Variants in EPHA7 observed in about 807,000 individuals in gnomAD.
EPHA7 encodes ephrin type-A receptor 7.
A neutral mutation model predicts 112.6 loss-of-function variants in EPHA7; 25 were observed. The ratio of observed to expected loss-of-function variants is 0.22; its 90% CI spans 0.16 to 0.31. EPHA7 has a LOEUF of 0.31. Ranked by LOEUF, EPHA7 falls within the 10% of genes least tolerant of loss-of-function variation. The pLI, the probability that EPHA7 is intolerant of heterozygous loss-of-function variation, is 1.00. For missense variants in EPHA7, 962 were observed against 1,212.6 expected (o/e 0.79, Z 3.07); for synonymous variants, 437 against 406.5 (o/e 1.07, Z -0.90).
intron 5 of EPHA7, among the ~76,000 whole-genome samples, chr6:93,306,526 C>G (rs1029147174): frequency 1.3e-5 from 2 of 151,854 alleles, no homozygotes; most frequent in African/African-American, 4.8e-5. Flanking sequence ...CAGAGTAAAA[C>G]AAAGACCTAA....
chr6:93,249,134 T>C (rs477307), intron 14 of EPHA7, among the ~76,000 whole-genome samples: 1 of 151,676 alleles, frequency 6.6e-6, no homozygotes. Context: ...GAACTTAAAA[T>C]TTTCCTTTTA....
chr6:93,342,553 T>A (rs191629991), intron 5 of EPHA7, among the ~76,000 whole-genome samples: 2 of 151,780 alleles, frequency 1.3e-5, no homozygotes, highest in African/African-American at 4.8e-5. Context: ...TCAAATAGAG[T>A]TATAAATTAG....
In EPHA7 at chr6:93,282,634, G is replaced by A. The variant is rs1028108331; in HGVS notation, c.1325-10212C>T. Among the ~76,000 whole-genome samples the A allele has an allele frequency of 1.4e-3, 218 of 152,274 alleles. 2 individuals are homozygous for A. Among genetic ancestry groups the A allele is most frequent in the Non-Finnish European group, 6.5e-4 (44 of 68,006 alleles). ...GCTGGAGCCGGCTCCTTCAGCTTGC[G>A]GGGAGGTGTGGAGGGAGAGGGGCAG... is the stretch of plus-strand genomic sequence containing the variant. On this transcript the variant is annotated intron_variant, in intron 5 of 16. Transcript: ENST00000369303.
At chr6:93,278,131 AT>A (rs1771556289) in intron 5 of EPHA7, among the ~76,000 whole-genome samples, 3 of 151,948 alleles carry the variant, frequency 2.0e-5, no homozygotes, top group African/African-American at 7.2e-5. Flanking sequence ...TTGTTTGGAC[AT>A]TTAATTAATT....
At chr6:93,397,566 G>A (rs1340725900) in intron 3 of EPHA7, among the ~76,000 whole-genome samples, 1 of 151,908 alleles carries the variant, frequency 6.6e-6, no homozygotes, top group African/African-American at 2.4e-5. Context: ...GTCCAGGATA[G>A]TGTTATGTGT....
intron 3 of EPHA7, among the ~76,000 whole-genome samples, chr6:93,394,774 T>C (rs1466335795): frequency 6.6e-6 from 1 of 151,856 alleles, no homozygotes; most frequent in Non-Finnish European, 1.5e-5. Context: ...AGATCTGTCC[T>C]GGTGATTCTC....
intron 5 of EPHA7, among the ~76,000 whole-genome samples, chr6:93,336,099 T>C (rs1446034212): frequency 6.6e-6 from 1 of 152,130 alleles, no homozygotes; most frequent in African/African-American, 2.4e-5. Flanking sequence ...ATGTAGTACA[T>C]TGAGCACTAA....
chr6:93,367,274 A>AT (rs1776562179), intron 3 of EPHA7, among the ~76,000 whole-genome samples: 4 of 152,086 alleles, frequency 2.6e-5, no homozygotes, highest in Admixed American at 2.6e-4. Context: ...AGGAGGCACA[A>AT]TTTTCAATAG....
intron 5 of EPHA7, among the ~76,000 whole-genome samples, chr6:93,315,697 A>T (rs1582506778): frequency 6.6e-6 from 1 of 152,310 alleles, no homozygotes; most frequent in African/African-American, 2.4e-5. Flanking sequence ...TCTAAAATCA[A>T]CAGATTCACT....
intron 11 of EPHA7, 123 bp downstream of exon 11, chr6:93,257,976 C>G: frequency 1.1e-6 from 1 of 932,916 alleles, no homozygotes; most frequent in Non-Finnish European, 1.5e-6. Flanking sequence ...TAGTTACATA[C>G]CAAGAAAACA....
chr6:93,352,900 A>G (rs1775765903), intron 5 of EPHA7, among the ~76,000 whole-genome samples: 1 of 152,094 alleles, frequency 6.6e-6, no homozygotes. Context: ...ACACAGGGAC[A>G]CACAGAAGGG....
At chr6:93,380,079 A>C (rs1485267255) in intron 3 of EPHA7, among the ~76,000 whole-genome samples, 2 of 152,104 alleles carry the variant, frequency 1.3e-5, no homozygotes, top group Non-Finnish European at 2.9e-5. Context: ...GTGACAAAAC[A>C]GATTTCATTC....
intron 7 of EPHA7, among the ~76,000 whole-genome samples, chr6:93,267,114 TA>T (rs575338374): frequency 1.4e-4 from 22 of 151,954 alleles, no homozygotes; most frequent in Non-Finnish European, 2.2e-4. Context: ...CTTGTGTTTT[TA>T]AAGTTTCCAT....
intron 5 of EPHA7, among the ~76,000 whole-genome samples, chr6:93,320,397 A>G (rs906569186): frequency 6.6e-6 from 1 of 152,102 alleles, no homozygotes; most frequent in Admixed American, 6.6e-5. Flanking sequence ...CTTTAAAATT[A>G]ACATTACATT....
chr6:93,339,083 C>T (rs766258124), intron 5 of EPHA7, among the ~76,000 whole-genome samples: 1 of 151,182 alleles, frequency 6.6e-6, no homozygotes, highest in African/African-American at 2.4e-5. Context: ...TTTACATGAA[C>T]ACTTAGCATC....
chr6:93,355,393 G>T (rs961469520), intron 5 of EPHA7, among the ~76,000 whole-genome samples: 6 of 152,064 alleles, frequency 3.9e-5, no homozygotes, highest in Non-Finnish European at 7.4e-5. Flanking sequence ...ATCTAAATAG[G>T]TAACAGTTGG....
chr6:93,332,358 C>G (rs1309645153), intron 5 of EPHA7, among the ~76,000 whole-genome samples: 1 of 151,584 alleles, frequency 6.6e-6, no homozygotes, highest in Non-Finnish European at 1.5e-5. Context: ...CACCCCAACT[C>G]AGGCAAATTA....
At chr6:93,259,601 T>C in intron 9 of EPHA7, 122 bp from the exon 10 acceptor site, 1 of 1,174,530 alleles carries the variant, frequency 8.5e-7, no homozygotes, top group Admixed American at 2.0e-5. Flanking sequence ...ATCACCTGAT[T>C]CACAGCAGTT....
At chr6:93,315,052 CG>C (rs1365672957) in intron 5 of EPHA7, among the ~76,000 whole-genome samples, 1 of 149,368 alleles carries the variant, frequency 6.7e-6, no homozygotes, top group Admixed American at 6.6e-5. Flanking sequence ...TTAGTAGAGA[CG>C]GGGTTTCACC....
Sources: gnomAD v4.1 joint callset for allele counts (sites outside exome capture counted in the v4.1 genomes callset) on GRCh38, gnomAD v4.1.1 for gene constraint, MANE v1.5 for transcripts, NCBI Gene and HGNC (gene_info 2026-07-23, HGNC 2026-07-21) for gene names.